The following SIAH1 variants were observed in gnomAD, a reference collection of about 807,000 sequenced individuals.
SIAH1 encodes the protein siah E3 ubiquitin protein ligase 1.
Under a neutral mutation model 20.0 loss-of-function variants are expected in SIAH1, and 2 were observed. The observed-to-expected ratio is 0.10, with a 90% CI of 0.04 to 0.31. The LOEUF is 0.31. SIAH1 is among the 10% of genes least tolerant of loss of function. The probability of loss-of-function intolerance (pLI) is 1.00; values close to 1 mark genes in which losing one functional copy is unlikely to be tolerated. For missense variants in SIAH1, 119 were observed against 355.3 expected (o/e 0.33, Z 5.35); for synonymous variants, 118 against 125.3 (o/e 0.94, Z 0.39).
Position 48,362,681 on chromosome 16 carries a change from C to G in SIAH1, c.-2-251G>C. 4.5e-6 allele frequency: 2 copies of G among 446,280 alleles called. No individual in the cohort carries two copies. The highest frequency in any genetic ancestry group is 8.4e-6 in the Non-Finnish European group (2 of 239,022). 27.6% of individuals were successfully genotyped at this position (446,280 alleles called of 1,614,324 possible). A position where few individuals can be genotyped will look rare whatever the true frequency, so the allele number is the denominator to read the frequency against. ...GGAAAACATGTGGAACTCCCTTAAT[C>G]GTCTTTGGATAGACTACATAGAATA... is the stretch of plus-strand genomic sequence containing the variant. On this transcript the variant is annotated intron_variant, in intron 1 of 1. Coordinates refer to ENST00000394725, the MANE Select transcript of SIAH1 (RefSeq NM_003031.4). The surrounding 1 kb of genome is among the most constrained non-coding windows in gnomAD (Gnocchi z 4.2).
Position 48,361,066 on chromosome 16 carries a change from A to G in SIAH1, c.*514T>C, listed in dbSNP as rs891078986. 6.5e-6 allele frequency: 1 copy of G among 152,706 alleles called. No individual in the cohort carries two copies. Among genetic ancestry groups the G allele is most frequent in the African/African-American group, 2.4e-5 (1 of 41,450 alleles). The allele number at this position is 152,706 out of a possible 1,614,324, so 9.5% of individuals were successfully genotyped here. A position where few individuals can be genotyped will look rare whatever the true frequency, so the allele number is the denominator to read the frequency against. On this transcript the variant is annotated 3_prime_UTR_variant, in exon 2 of 2. Transcript: ENST00000394725. ...AAAAACCTGAATTACAGAAAAGTCA[A>G]ATTTATTTAATGAAAAACTAAAATT...
chr16:48,383,417 C>T (rs953246833), intron 1 of SIAH1, among the ~76,000 whole-genome samples: 2 of 152,178 alleles, frequency 1.3e-5, no homozygotes, highest in Non-Finnish European at 2.9e-5. Flanking sequence ...TAATTAAAAT[C>T]CTCTCCACCA....
At chr16:48,386,334 C>T (rs1185724221), upstream of SIAH1, among the ~76,000 whole-genome samples, 1 of 152,070 alleles carries the variant, frequency 6.6e-6, no homozygotes, top group Non-Finnish European at 1.5e-5. Flanking sequence ...TGGTGAAACC[C>T]TATCTCTACT....
intron 1 of SIAH1, chr16:48,365,501 T>C: frequency 6.2e-7 from 1 of 1,608,520 alleles, no homozygotes. Context: ...ACGCATTGCG[T>C]TTCCCCCAAG....
At chr16:48,380,939 A>AAAAAAAAAAAAAAAAAAAAAAAAC in intron 1 of SIAH1, among the ~76,000 whole-genome samples, 1 of 149,694 alleles carries the variant, frequency 6.7e-6, no homozygotes, top group African/African-American at 2.4e-5. Flanking sequence ...AAAAAAAAAA[A>AAAAAAAAAAAAAAAAAAAAAAAAC]AAAAAAGAAC....
intron 1 of SIAH1, among the ~76,000 whole-genome samples, chr16:48,372,602 G>A (rs574810277): frequency 6.6e-6 from 1 of 152,266 alleles, no homozygotes; most frequent in East Asian, 1.9e-4. Flanking sequence ...CTAGAGAAAA[G>A]CTGAGGTCGA....
At position 48,365,467 on chromosome 16, in the gene SIAH1, T is replaced by C. The variant is rs749595704; in HGVS notation, c.-2-3037A>G. 5 of 1,613,276 alleles carry C rather than the reference T, an allele frequency of 3.1e-6. No individual in the cohort carries two copies. In the African/African-American group the frequency reaches 4.0e-5, roughly 13 times the overall value. On this transcript the variant is annotated intron_variant, in intron 1 of 1. Coordinates refer to ENST00000394725, the MANE Select transcript of SIAH1 (RefSeq NM_003031.4). ...GGAGTACAGAGAAGGTGGAGTAGCC[T>C]TTCCCGTCATGAGAAGTCAGGCCAC... is the stretch of plus-strand genomic sequence containing the variant.
chr16:48,377,712 A>G (rs910664934), intron 1 of SIAH1, among the ~76,000 whole-genome samples: 7 of 150,048 alleles, frequency 4.7e-5, no homozygotes, highest in Admixed American at 3.3e-4. Flanking sequence ...AGATTTAAGG[A>G]AAAAAAAAAT....
rs34437640 is a variant in SIAH1, at chr16:48,362,279, C to T, written c.150G>A (p.Pro50=). The T allele has an allele frequency of 2.9e-3, 4,688 of 1,614,108 alleles. 89 individuals carry two copies. The African/African-American group carries it at 0.042, about 14-fold the overall frequency. Reference sequence around the variant, plus strand: ...GGCCACTCTGACATTGAAGAATGGGCGGTAACACATAGTCAAAGCAGACTG... The same window carrying T: ...GGCCACTCTGACATTGAAGAATGGGTGGTAACACATAGTCAAAGCAGACTG... ...ECPVCFDYVL[P]PILQCQSGHL... Residue 50 remains proline (P), a synonymous_variant, in exon 2 of 2, where the codon CCG becomes CCA. Coordinates refer to ENST00000394725, the MANE Select transcript of SIAH1 (RefSeq NM_003031.4). This position sits in a 1 kb window ranked among gnomAD's most constrained non-coding sequence, Gnocchi z 4.2.
At chr16:48,375,348 G>A (rs1266393935) in intron 1 of SIAH1, among the ~76,000 whole-genome samples, 6 of 152,184 alleles carry the variant, frequency 3.9e-5, no homozygotes, top group Non-Finnish European at 8.8e-5. Context: ...AACGGGGTGG[G>A]GGGAGAGAGG....
chr16:48,381,439 C>T (rs1302792085), intron 1 of SIAH1, among the ~76,000 whole-genome samples: 1 of 152,224 alleles, frequency 6.6e-6, no homozygotes, highest in African/African-American at 2.4e-5. Flanking sequence ...CATGGCCACA[C>T]AAAAACCTGC....
intron 1 of SIAH1, among the ~76,000 whole-genome samples, chr16:48,383,013 AAG>A (rs1329689479): frequency 1.3e-5 from 2 of 152,234 alleles, no homozygotes; most frequent in Non-Finnish European, 2.9e-5. Flanking sequence ...GATATTAAGA[AAG>A]AATATTTCTC....
In SIAH1 at chr16:48,361,472, T is replaced by C. The variant is rs771733917; in HGVS notation, c.*108A>G. 4.1e-5 allele frequency: 44 copies of C among 1,064,496 alleles called. No individual in the cohort carries two copies. The highest frequency in any genetic ancestry group is 2.0e-4 in the Middle Eastern group (1 of 5,002). The allele number at this position is 1,064,496 out of a possible 1,614,324, so 65.9% of individuals were successfully genotyped here. On this transcript the variant is annotated 3_prime_UTR_variant, in exon 2 of 2. Coordinates refer to ENST00000394725, the MANE Select transcript of SIAH1 (RefSeq NM_003031.4). Reference sequence around the variant, plus strand: ...CTTTCTTTTTATTTACCTTCATGTGTCTAGCTTCCACCTACCGAAAGAGTT... The same window carrying C: ...CTTTCTTTTTATTTACCTTCATGTGCCTAGCTTCCACCTACCGAAAGAGTT...
chr16:48,375,046 T>C (rs752903891), intron 1 of SIAH1, among the ~76,000 whole-genome samples: 68 of 152,170 alleles, frequency 4.5e-4, no homozygotes, highest in Non-Finnish European at 8.8e-4. Flanking sequence ...GTCAAAGTGG[T>C]GGCTACGGCA....
At chr16:48,364,231 C>T (rs112660282) in intron 1 of SIAH1, among the ~76,000 whole-genome samples, 2 of 152,190 alleles carry the variant, frequency 1.3e-5, no homozygotes, top group Admixed American at 6.5e-5. Flanking sequence ...TGAGCCACTG[C>T]GCCCGGCCAC....
chr16:48,363,446 A>G (rs962174083), intron 1 of SIAH1: 1 of 167,074 alleles, frequency 6.0e-6, no homozygotes, highest in Non-Finnish European at 1.5e-5. Flanking sequence ...ATAAATAAAA[A>G]CACAACTAAG....
intron 1 of SIAH1, among the ~76,000 whole-genome samples, chr16:48,384,166 C>A (rs750621615): frequency 1.3e-5 from 2 of 152,182 alleles, no homozygotes; most frequent in South Asian, 2.1e-4. Context: ...TTACCCTTGA[C>A]AGCCGCTATA....
chr16:48,361,708 G>T lies in SIAH1; in HGVS notation c.721C>A (p.Arg241=), dbSNP rs777481237. 6.2e-7 allele frequency: 1 copy of T among 1,614,112 alleles called. No homozygotes were observed. Among genetic ancestry groups the T allele is most frequent in the Non-Finnish European group, 8.5e-7 (1 of 1,179,994 alleles). Residue 241 remains arginine, a synonymous_variant, in exon 2 of 2, where the codon CGA becomes AGA. Coordinates refer to ENST00000394725, the MANE Select transcript of SIAH1 (RefSeq NM_003031.4). ...GTTGCAATTCCTTCATGAATAGATC[G>T]AGGAGTCGCTTCCCAAGTCAATCGT... ...RRRLTWEATP[R]SIHEGIATAI...
upstream of SIAH1, among the ~76,000 whole-genome samples, chr16:48,386,320 A>G (rs1961465646): frequency 6.6e-6 from 1 of 152,196 alleles, no homozygotes; most frequent in Non-Finnish European, 1.5e-5. Flanking sequence ...TAGCCTGGCC[A>G]ACATGGTGAA....
Sources: gnomAD v4.1 joint callset for allele counts (sites outside exome capture counted in the v4.1 genomes callset) on GRCh38, gnomAD v4.1.1 for gene constraint, Gnocchi (gnomAD v3.1) non-coding constraint, MANE v1.5 for transcripts, NCBI Gene and HGNC (gene_info 2026-07-23, HGNC 2026-07-21) for gene names.